Variants in RTN4RL1 observed in about 807,000 individuals in gnomAD.
RTN4RL1 encodes the protein reticulon 4 receptor like 1.
In RTN4RL1, 7 loss-of-function variants were observed where a neutral mutation model predicts 25.6. The ratio of observed to expected loss-of-function variants is 0.27; its 90% confidence interval spans 0.16 to 0.51. The LOEUF is 0.51. RTN4RL1 is among the 20% of genes least tolerant of loss of function. The pLI, the probability that RTN4RL1 is intolerant of heterozygous loss-of-function variation, is 0.97. For missense variants in RTN4RL1, 500 were observed against 615.6 expected, an observed-to-expected ratio of 0.81 and a Z score of 1.99; for synonymous variants, 297 against 288.2, an observed-to-expected ratio of 1.03 and a Z score of -0.31.
At chr17:1,955,973 C>G (rs1479637475) in intron 1 of RTN4RL1, among the ~76,000 whole-genome samples, 1 of 152,080 alleles carries the variant, frequency 6.6e-6, no homozygotes. Flanking sequence ...CCTTGACAAC[C>G]ATTGACAGAG....
chr17:1,954,307 G>A (rs1915743524), intron 1 of RTN4RL1, among the ~76,000 whole-genome samples: 1 of 151,702 alleles, frequency 6.6e-6, no homozygotes, highest in Non-Finnish European at 1.5e-5. Flanking sequence ...GCTCAGATGG[G>A]ACCTGCTCCA....
intron 1 of RTN4RL1, among the ~76,000 whole-genome samples, chr17:1,980,603 T>C (rs923173473): frequency 6.6e-6 from 1 of 151,966 alleles, no homozygotes; most frequent in Non-Finnish European, 1.5e-5. Context: ...ACTTTTATAG[T>C]AAAAATAAAT....
chr17:2,024,633 C>T (rs1411318660), intron 1 of RTN4RL1, among the ~76,000 whole-genome samples: 1 of 152,210 alleles, frequency 6.6e-6, no homozygotes, highest in Non-Finnish European at 1.5e-5. Flanking sequence ...ATCTCTAGGC[C>T]TGGCCACTCG....
At chr17:1,971,700 A>C (rs926601911) in intron 1 of RTN4RL1, among the ~76,000 whole-genome samples, 31 of 151,978 alleles carry the variant, frequency 2.0e-4, no homozygotes, top group Non-Finnish European at 2.5e-4. Context: ...CGGTGGCTCA[A>C]GCCTGTAATC....
chr17:1,981,432 A>AT (rs949380965), intron 1 of RTN4RL1, among the ~76,000 whole-genome samples: 11 of 152,064 alleles, frequency 7.2e-5, no homozygotes, highest in Non-Finnish European at 1.6e-4. Context: ...CCATCTTGGT[A>AT]TTTTTTTCTT....
intron 1 of RTN4RL1, among the ~76,000 whole-genome samples, chr17:1,942,826 G>T (rs529989547): frequency 6.6e-6 from 1 of 152,308 alleles, no homozygotes; most frequent in South Asian, 2.1e-4. Flanking sequence ...TGCCAGGATG[G>T]TGGGAAGGGA....
intron 1 of RTN4RL1, among the ~76,000 whole-genome samples, chr17:1,980,985 C>T (rs1312780686): frequency 6.6e-6 from 1 of 150,840 alleles, no homozygotes; most frequent in Admixed American, 6.6e-5. Context: ...AAAACTGGCC[C>T]CTGTCCCTGG....
At chr17:2,022,625 G>C (rs73976186) in intron 1 of RTN4RL1, among the ~76,000 whole-genome samples, 8 of 152,192 alleles carry the variant, frequency 5.3e-5, no homozygotes, top group Non-Finnish European at 1.0e-4. Flanking sequence ...TAATCCAAAA[G>C]ATCAGGATCT....
At chr17:1,954,618 C>T (rs973866633) in intron 1 of RTN4RL1, among the ~76,000 whole-genome samples, 4 of 152,064 alleles carry the variant, frequency 2.6e-5, no homozygotes, top group Non-Finnish European at 5.9e-5. Context: ...GAACTCCTGA[C>T]CTCAGATGAT....
chr17:1,952,179 G>A (rs917474341), intron 1 of RTN4RL1, among the ~76,000 whole-genome samples: 4 of 152,122 alleles, frequency 2.6e-5, no homozygotes, highest in African/African-American at 9.7e-5. Flanking sequence ...AAGTCACGGG[G>A]TCCAGCTGCC....
chr17:1,934,752 A>G lies in RTN4RL1; in HGVS notation c.*1744T>C, dbSNP rs1798682395. ...ATTCAGCGTTTCTGGCTCCTCACAC[A>G]CATCCTCTCTGGTGGGGGATTCAGG... On this transcript the variant is annotated 3_prime_UTR_variant, in exon 2 of 2. Transcript: ENST00000331238. The surrounding 1 kb of genome is among the most constrained non-coding windows in gnomAD (Gnocchi z 4.0). 2 of 152,634 alleles carry G rather than the reference A, an allele frequency of 1.3e-5. No homozygotes were observed. The highest frequency in any genetic ancestry group is 4.8e-5 in the African/African-American group (2 of 41,446). The allele number at this position is 152,634 out of a possible 1,614,324, so 9.5% of individuals were successfully genotyped here. A position where few individuals can be genotyped will look rare whatever the true frequency, so the allele number is the denominator to read the frequency against.
At chr17:1,999,797 A>G (rs756026144) in intron 1 of RTN4RL1, among the ~76,000 whole-genome samples, 10 of 152,250 alleles carry the variant, frequency 6.6e-5, no homozygotes, top group Admixed American at 1.3e-4. Context: ...AAAAGGAACA[A>G]AAGCAAAGCT....
chr17:1,964,638 A>C (rs1282811019), intron 1 of RTN4RL1, among the ~76,000 whole-genome samples: 6 of 151,842 alleles, frequency 4.0e-5, no homozygotes, highest in African/African-American at 1.4e-4. Context: ...AGGCTGAGGC[A>C]GGAGAATGGC....
chr17:1,990,891 A>C (rs2066905619), intron 1 of RTN4RL1, among the ~76,000 whole-genome samples: 1 of 152,122 alleles, frequency 6.6e-6, no homozygotes, highest in South Asian at 2.1e-4. Context: ...TCTCCAAGAG[A>C]GGAGACGGTG....
chr17:1,941,640 G>T (rs1408235106), intron 1 of RTN4RL1, among the ~76,000 whole-genome samples: 2 of 152,122 alleles, frequency 1.3e-5, no homozygotes, highest in East Asian at 3.9e-4. Context: ...AGTGCTCACC[G>T]ACCTTGGGTA....
At chr17:1,955,853 C>G (rs4790300) in intron 1 of RTN4RL1, among the ~76,000 whole-genome samples, 127,992 of 151,428 alleles carry the variant, frequency 0.85, 54,393 homozygotes, top group Admixed American at 0.89. Flanking sequence ...CAACGTGCTG[C>G]GATTACAGGT....
chr17:2,024,063 C>A (rs2067244381), intron 1 of RTN4RL1, among the ~76,000 whole-genome samples: 1 of 152,110 alleles, frequency 6.6e-6, no homozygotes, highest in Admixed American at 6.5e-5. Context: ...CGGGGGACGG[C>A]GCCCCGCGTG....
At position 1,942,138 on chromosome 17, in the gene RTN4RL1, C is replaced by T. The variant is rs573679164; in HGVS notation, c.14-4330G>A. ...CTGAGGAGAGCAAGGCCGGGCCTCCCCCAAAACTCCCCCAAGCTTTCCCTG... is the reference window on the plus strand; with the variant it reads ...CTGAGGAGAGCAAGGCCGGGCCTCCTCCAAAACTCCCCCAAGCTTTCCCTG... On this transcript the variant is annotated intron_variant, in intron 1 of 1. Coordinates refer to ENST00000331238, the MANE Select transcript of RTN4RL1 (RefSeq NM_178568.4). 3.3e-5 allele frequency among the ~76,000 whole-genome samples: 5 copies of T among 152,252 alleles called. No individual in the cohort carries two copies. In the South Asian group the frequency reaches 1.0e-3, roughly 32 times the overall value.
intron 1 of RTN4RL1, among the ~76,000 whole-genome samples, chr17:2,021,374 G>GT (rs1463081820): frequency 6.6e-6 from 1 of 152,166 alleles, no homozygotes; most frequent in African/African-American, 2.4e-5. Flanking sequence ...AAGATGAGGG[G>GT]TTTTTTCTCT....
Sources: allele counts gnomAD v4.1 joint callset (sites outside exome capture counted in the v4.1 genomes callset), GRCh38; gene constraint gnomAD v4.1.1; non-coding constraint Gnocchi (gnomAD v3.1); transcripts MANE v1.5; gene names NCBI Gene and HGNC (gene_info 2026-07-23, HGNC 2026-07-21).